The following C8orf88 variants were observed in gnomAD, a reference collection of about 807,000 sequenced individuals.
The protein encoded by C8orf88 is chromosome 8 open reading frame 88, also known as uncharacterized protein C8orf88.
C8orf88 carries 14 observed loss-of-function variants against 18.4 expected under a neutral mutation model. The ratio of observed to expected loss-of-function variants is 0.76; its 90% CI spans 0.50 to 1.19. C8orf88 has a LOEUF of 1.19. Ranked by LOEUF, C8orf88 falls within the 50% of genes most tolerant of loss-of-function variation. The pLI is 0.00. For synonymous variants in C8orf88, 45 were observed against 42.9 expected (o/e 1.05, Z -0.19); for missense variants, 116 against 134.7 (o/e 0.86, Z 0.69).
Position 90,960,790 on chromosome 8 carries a change from T to C in C8orf88, c.282A>G (p.Arg94=), listed in dbSNP as rs1811115261. The change falls in exon 5 of 6, where the codon AGA becomes AGG. Residue 94 remains arginine, a synonymous_variant. Coordinates refer to ENST00000517562, the MANE Select transcript of C8orf88 (RefSeq NM_001190972.2). ...GATCAGGCAGAAAGTCTGGTTTTTT[T>C]CTGCAGATGGAAACACTTGAGAGCT... is the stretch of plus-strand genomic sequence containing the variant. ...LLKLSSVSIC[R]KKPDFLPDHP... The C allele has an allele frequency of 3.3e-6, 5 of 1,531,786 alleles. No homozygotes were observed. Among genetic ancestry groups the C allele is most frequent in the East Asian group, 2.5e-5 (1 of 40,738 alleles). 94.9% of individuals were successfully genotyped at this position (1,531,786 alleles called of 1,614,324 possible).
chr8:90,961,504 G>A (rs927884445), intron 4 of C8orf88, among the ~76,000 whole-genome samples: 8 of 151,004 alleles, frequency 5.3e-5, no homozygotes, highest in African/African-American at 1.9e-4. Flanking sequence ...GTCCAGTGGG[G>A]GGGAAAAAAC....
chr8:90,965,261 C>G (rs1044101082), intron 4 of C8orf88, among the ~76,000 whole-genome samples: 1 of 151,542 alleles, frequency 6.6e-6, no homozygotes, highest in Admixed American at 6.6e-5. Flanking sequence ...GACATTAAGA[C>G]AAAAATTGTT....
rs1325423707 is a variant in C8orf88 at position 90,960,814 on chromosome 8, C to T, written c.258G>A (p.Lys86=). Residue 86 remains lysine, a synonymous_variant, in exon 5 of 6, where the codon AAG becomes AAA. Coordinates refer to ENST00000517562, the MANE Select transcript of C8orf88 (RefSeq NM_001190972.2). ...RIKYSRDFLL[K]LSSVSICRKK... is the part of the protein sequence containing the mutation. ...TTCTGCAGATGGAAACACTTGAGAGCTTCAACAGGAAATCTCTGCTGTATT... is the reference window on the plus strand; with the variant it reads ...TTCTGCAGATGGAAACACTTGAGAGTTTCAACAGGAAATCTCTGCTGTATT... 2 of 1,530,518 alleles carry T rather than the reference C, an allele frequency of 1.3e-6. No individual in the cohort carries two copies. Among genetic ancestry groups the T allele is most frequent in the African/African-American group, 1.4e-5 (1 of 72,724 alleles). The allele number at this position is 1,530,518 out of a possible 1,614,324, so 94.8% of individuals were successfully genotyped here.
chr8:90,975,764 T>C (rs1225375792), intron 3 of C8orf88, among the ~76,000 whole-genome samples: 1 of 152,062 alleles, frequency 6.6e-6, no homozygotes, highest in Non-Finnish European at 1.5e-5. Flanking sequence ...TACTATATGA[T>C]CTATCAATTC....
intron 5 of C8orf88, among the ~76,000 whole-genome samples, chr8:90,959,656 CATA>C (rs1191791676): frequency 1.3e-5 from 2 of 151,180 alleles, no homozygotes; most frequent in East Asian, 3.9e-4. Context: ...CTATGAACAA[CATA>C]ATGTTTTTTA....
intron 4 of C8orf88, among the ~76,000 whole-genome samples, chr8:90,968,460 C>A (rs185989951): frequency 2.8e-4 from 42 of 151,050 alleles, no homozygotes; most frequent in African/African-American, 1.0e-3. Context: ...AATGCCAGAG[C>A]TAAAACTATA....
In C8orf88 at chr8:90,959,017, CT is replaced by C. The variant is rs1811084012; in HGVS notation, c.343del (p.Ser115ValfsTer22). ...TCTGTTCTTAAAATGCTACTTAAAA[CT>C]TTGGTTGTTTTCCTGTAATATAAAA... ...IVLQKPENNQ[S>X]FK On this transcript the variant is annotated frameshift_variant, in exon 6 of 6. Coordinates refer to ENST00000517562, the MANE Select transcript of C8orf88 (RefSeq NM_001190972.2). LOFTEE classifies it high-confidence loss of function. 3 of 1,406,316 alleles carry C rather than the reference CT, an allele frequency of 2.1e-6. No homozygotes were observed. In the South Asian group the frequency reaches 4.1e-5, roughly 19 times the overall value. 87.1% of individuals were successfully genotyped at this position (1,406,316 alleles called of 1,614,324 possible). A position where few individuals can be genotyped will look rare whatever the true frequency, so the allele number is the denominator to read the frequency against.
intron 4 of C8orf88, among the ~76,000 whole-genome samples, chr8:90,965,808 G>A (rs988522658): frequency 2.0e-5 from 3 of 151,534 alleles, no homozygotes; most frequent in South Asian, 2.1e-4. Flanking sequence ...TAAACAACAG[G>A]GGACTTAGAA....
At chr8:90,961,781 T>A in intron 4 of C8orf88, among the ~76,000 whole-genome samples, 1 of 151,424 alleles carries the variant, frequency 6.6e-6, no homozygotes, top group South Asian at 2.1e-4. Context: ...ACAGATAATA[T>A]ATAGATGAAG....
chr8:90,963,220 A>G (rs1811151866), intron 4 of C8orf88, among the ~76,000 whole-genome samples: 1 of 151,734 alleles, frequency 6.6e-6, no homozygotes, highest in Non-Finnish European at 1.5e-5. Context: ...GACCACTAAG[A>G]TAACAGAACA....
rs539805350 is a variant in C8orf88 at position 90,968,488 on chromosome 8, C to T, written c.223+2578G>A. On this transcript the variant is annotated intron_variant, in intron 4 of 5. Transcript: ENST00000517562. ...AAACTATAAAACTCTTAGAAGGAAA[C>T]GGGTAAATCTTAATGACCTTAGATT... 1.6e-4 allele frequency among the ~76,000 whole-genome samples: 24 copies of T among 150,820 alleles called. No homozygotes were observed. In the South Asian group the frequency reaches 2.9e-3, roughly 18 times the overall value.
At chr8:90,975,443 A>G (rs1483077668) in intron 3 of C8orf88, among the ~76,000 whole-genome samples, 1 of 152,106 alleles carries the variant, frequency 6.6e-6, no homozygotes, top group Non-Finnish European at 1.5e-5. Flanking sequence ...CAAATAATAG[A>G]AATAGTCAAA....
In C8orf88 at chr8:90,982,274, T is replaced by G. The variant is rs114231303; in HGVS notation, c.-26-1813A>C. Among the ~76,000 whole-genome samples, 1,007 of 152,258 alleles carry G rather than the reference T, an allele frequency of 6.6e-3. 9 individuals are homozygous for G. Among genetic ancestry groups the G allele is most frequent in the African/African-American group, 0.022 (935 of 41,576 alleles). On this transcript the variant is annotated intron_variant, in intron 1 of 5. Transcript: ENST00000517562. ...ATAGAAAAAATACTTCAAATAAAGT[T>G]ATTAATATTTTCTATGTAGAAGAGT...
At chr8:90,978,702 T>A in intron 2 of C8orf88, 50 bp from the exon 3 acceptor site, 1 of 1,083,714 alleles carries the variant, frequency 9.2e-7, no homozygotes, top group South Asian at 1.6e-5. Context: ...TTTCAATAAA[T>A]AATATAATCA....
intron 3 of C8orf88, among the ~76,000 whole-genome samples, chr8:90,974,256 A>G (rs1367084919): frequency 6.6e-6 from 1 of 152,198 alleles, no homozygotes; most frequent in Non-Finnish European, 1.5e-5. Flanking sequence ...TTCCAGTCCC[A>G]GATATTAAGA....
intron 4 of C8orf88, among the ~76,000 whole-genome samples, chr8:90,965,502 C>A (rs997040942): frequency 6.6e-6 from 1 of 151,708 alleles, no homozygotes; most frequent in Non-Finnish European, 1.5e-5. Context: ...CACAACCCAA[C>A]TAACCTAATT....
intron 3 of C8orf88, among the ~76,000 whole-genome samples, chr8:90,976,907 A>T (rs1811359061): frequency 6.6e-6 from 1 of 152,138 alleles, no homozygotes; most frequent in Admixed American, 6.5e-5. Context: ...AGACTTTTTA[A>T]AAGTGAAATC....
chr8:90,972,428 AC>A (rs367828188), intron 3 of C8orf88, among the ~76,000 whole-genome samples: 96 of 151,302 alleles, frequency 6.3e-4, no homozygotes, highest in Middle Eastern at 6.9e-3. Context: ...AAAAAAAAAA[AC>A]AATTTCTTGC....
Position 90,960,799 on chromosome 8 carries a change from G to A in C8orf88, c.273C>T (p.Ser91=). The change falls in exon 5 of 6, where the codon TCC becomes TCT. Residue 91 remains serine, a synonymous_variant. Coordinates refer to ENST00000517562, the MANE Select transcript of C8orf88 (RefSeq NM_001190972.2). ...GAAAGTCTGGTTTTTTTCTGCAGAT[G>A]GAAACACTTGAGAGCTTCAACAGGA... is the stretch of plus-strand genomic sequence containing the variant. The part of the protein sequence containing the change: ...RDFLLKLSSV[S]ICRKKPDFLP... 1 of 1,531,352 alleles carries A rather than the reference G, an allele frequency of 6.5e-7. No homozygotes were observed. The highest frequency in any genetic ancestry group is 1.4e-5 in the African/African-American group (1 of 72,864). 94.9% of individuals were successfully genotyped at this position (1,531,352 alleles called of 1,614,324 possible). A position where few individuals can be genotyped will look rare whatever the true frequency, so the allele number is the denominator to read the frequency against.
Sources: allele counts gnomAD v4.1 joint callset (sites outside exome capture counted in the v4.1 genomes callset), GRCh38; gene constraint gnomAD v4.1.1; transcripts MANE v1.5; gene names NCBI Gene and HGNC (gene_info 2026-07-23, HGNC 2026-07-21).